DUSP16: variants seen among roughly 807,000 people sequenced by gnomAD.
DUSP16 encodes the protein dual specificity phosphatase 16.
In DUSP16, 21 loss-of-function variants were observed where a neutral mutation model predicts 58.3. The observed-to-expected ratio is 0.36, with a 90% CI of 0.26 to 0.52. The LOEUF (loss-of-function observed/expected upper bound fraction) is 0.52. DUSP16 is among the 20% of genes least tolerant of loss of function. The pLI is 0.94. For synonymous variants in DUSP16, 320 were observed against 323.8 expected (o/e 0.99, Z 0.12); for missense variants, 726 against 819.0 (o/e 0.89, Z 1.39).
intron 1 of DUSP16, among the ~76,000 whole-genome samples, chr12:12,548,765 C>T (rs190980567): frequency 2.7e-4 from 41 of 152,160 alleles, no homozygotes; most frequent in East Asian, 1.9e-3. Flanking sequence ...CTCCAGGATA[C>T]TATCTTCCTT....
intron 5 of DUSP16, among the ~76,000 whole-genome samples, chr12:12,482,608 G>A (rs990590409): frequency 2.0e-5 from 3 of 152,184 alleles, no homozygotes; most frequent in Non-Finnish European, 2.9e-5. Flanking sequence ...TGAGCAAAGT[G>A]CTCATTCGAA....
At position 12,477,748 on chromosome 12, in the gene DUSP16, G is replaced by C; in HGVS notation, c.1083C>G (p.Pro361=). ...GCGACGGCTGCACGCTGGGCACGCTGGGCACGCTGGCGGGATGCACGGGCC... is the reference window on the plus strand; with the variant it reads ...GCGACGGCTGCACGCTGGGCACGCTCGGCACGCTGGCGGGATGCACGGGCC... The part of the protein sequence containing the change: ...GQRPVHPASV[P]SVPSVQPSLL... Residue 361 remains proline, a synonymous_variant, in exon 7 of 7, where the codon CCC becomes CCG. Transcript: ENST00000298573. This position sits in a 1 kb window ranked among gnomAD's most constrained non-coding sequence, Gnocchi z 4.1. 1 of 1,543,716 alleles carries C rather than the reference G, an allele frequency of 6.5e-7. No individual in the cohort carries two copies. Among genetic ancestry groups the C allele is most frequent in the Non-Finnish European group, 8.5e-7 (1 of 1,171,804 alleles).
intron 1 of DUSP16, among the ~76,000 whole-genome samples, chr12:12,550,272 CA>C (rs35519025): frequency 0.31 from 30,010 of 97,264 alleles, 3,140 homozygotes; most frequent in Admixed American, 0.37. Flanking sequence ...GACTCCGTCT[CA>C]AAAAAAAAAA....
chr12:12,503,150 T>C (rs144053109), intron 3 of DUSP16, among the ~76,000 whole-genome samples: 42 of 151,940 alleles, frequency 2.8e-4, no homozygotes, highest in African/African-American at 9.9e-4. Flanking sequence ...GTTGTTGAGA[T>C]AATTAGTTAG....
chr12:12,516,148 G>GTTT (rs1402398844), intron 3 of DUSP16, among the ~76,000 whole-genome samples: 1 of 151,156 alleles, frequency 6.6e-6, no homozygotes, highest in East Asian at 1.9e-4. Flanking sequence ...ATAATTTTGT[G>GTTT]TTTTGTTTTT....
At chr12:12,510,155 C>G (rs1257814265) in intron 3 of DUSP16, among the ~76,000 whole-genome samples, 1 of 152,060 alleles carries the variant, frequency 6.6e-6, no homozygotes, top group Non-Finnish European at 1.5e-5. Flanking sequence ...CTCAGGGAAT[C>G]AGGGCACATC....
intron 4 of DUSP16, among the ~76,000 whole-genome samples, chr12:12,491,941 A>C (rs1436858408): frequency 1.3e-5 from 2 of 152,146 alleles, no homozygotes; most frequent in South Asian, 4.1e-4. Flanking sequence ...CTTCATCCCC[A>C]TGATGTCTGT....
chr12:12,504,042 C>T (rs963496262), intron 3 of DUSP16, among the ~76,000 whole-genome samples: 2 of 152,142 alleles, frequency 1.3e-5, no homozygotes, highest in Non-Finnish European at 2.9e-5. Context: ...TGTTTCTATT[C>T]GTGTTTTGTT....
Position 12,501,241 on chromosome 12 carries a change from G to A in DUSP16, c.368-559C>T, listed in dbSNP as rs117669383. 8.4e-3 allele frequency among the ~76,000 whole-genome samples: 1,285 copies of A among 152,240 alleles called. 11 individuals are homozygous for A. The highest frequency in any genetic ancestry group is 0.017 in the Middle Eastern group (5 of 294). On this transcript the variant is annotated intron_variant, in intron 3 of 6. Transcript: ENST00000298573. ...CTATCAAGTTCTGGGGATTCCCTGG[G>A]CAGTTAGTCAAGGTCTCCATAATTA...
intron 1 of DUSP16, among the ~76,000 whole-genome samples, chr12:12,526,613 GTACACTTCAAAATTTGTGCC>G (rs1484512369): frequency 6.6e-6 from 1 of 152,092 alleles, no homozygotes; most frequent in Admixed American, 6.6e-5. Flanking sequence ...TTTATTACTT[GTACACTTCAAAATTTGTGCC>G]TAGCCAGAGA....
intron 3 of DUSP16, among the ~76,000 whole-genome samples, chr12:12,508,758 TTGGGAAA>T (rs1944033193): frequency 1.3e-5 from 2 of 152,092 alleles, no homozygotes; most frequent in South Asian, 2.1e-4. Flanking sequence ...CGTGACACAG[TTGGGAAA>T]TGGGAAATTC....
At chr12:12,512,974 T>C (rs532071551) in intron 3 of DUSP16, among the ~76,000 whole-genome samples, 7 of 152,256 alleles carry the variant, frequency 4.6e-5, no homozygotes, top group African/African-American at 1.7e-4. Context: ...CATACCTCCA[T>C]GAGGAAGGAC....
chr12:12,558,819 T>C lies in DUSP16; in HGVS notation c.-366+3298A>G, dbSNP rs536960373. Among the ~76,000 whole-genome samples, 12 of 152,350 alleles carry C rather than the reference T, an allele frequency of 7.9e-5. No homozygotes were observed. The South Asian group carries it at 2.1e-3, about 26-fold the overall frequency. ...GTATCAGAGGGCATTTTTCCACTTA[T>C]TCCTCTTTCCTTTCATGGCAAGATG... On this transcript the variant is annotated intron_variant, in intron 1 of 6. Transcript: ENST00000298573.
At chr12:12,551,258 T>A (rs1944721732) in intron 1 of DUSP16, among the ~76,000 whole-genome samples, 1 of 151,938 alleles carries the variant, frequency 6.6e-6, no homozygotes, top group Admixed American at 6.6e-5. Context: ...CCCCAGCACC[T>A]CGGGAAGCCT....
intron 1 of DUSP16, among the ~76,000 whole-genome samples, chr12:12,522,499 G>A (rs1290024479): frequency 6.6e-6 from 1 of 151,956 alleles, no homozygotes; most frequent in Non-Finnish European, 1.5e-5. Flanking sequence ...GTCCATCTCT[G>A]CTTATATGAA....
At chr12:12,501,602 T>C (rs1047051628) in intron 3 of DUSP16, among the ~76,000 whole-genome samples, 3 of 152,174 alleles carry the variant, frequency 2.0e-5, no homozygotes, top group Non-Finnish European at 2.9e-5. Flanking sequence ...CTGATAAATT[T>C]TCAGATATAC....
intron 4 of DUSP16, among the ~76,000 whole-genome samples, chr12:12,493,306 G>A (rs1460373755): frequency 2.6e-5 from 4 of 152,126 alleles, no homozygotes; most frequent in East Asian, 1.9e-4. Flanking sequence ...AATCCTATTG[G>A]CTATACCTTC....
At chr12:12,487,696 G>T (rs1434892479) in intron 4 of DUSP16, among the ~76,000 whole-genome samples, 1 of 151,980 alleles carries the variant, frequency 6.6e-6, no homozygotes, top group African/African-American at 2.4e-5. Flanking sequence ...TTTCCAACCC[G>T]TATCTCCAAC....
intron 3 of DUSP16, among the ~76,000 whole-genome samples, chr12:12,503,823 A>C (rs1391250445): frequency 6.6e-6 from 1 of 152,210 alleles, no homozygotes; most frequent in South Asian, 2.1e-4. Flanking sequence ...AAGTTTCCCC[A>C]AACTTATCTG....
Sources: allele counts gnomAD v4.1 joint callset (sites outside exome capture counted in the v4.1 genomes callset), GRCh38; gene constraint gnomAD v4.1.1; non-coding constraint Gnocchi (gnomAD v3.1); transcripts MANE v1.5; gene names NCBI Gene and HGNC (gene_info 2026-07-23, HGNC 2026-07-21).